The following DOCK1 variants were observed in gnomAD, a reference collection of about 807,000 sequenced individuals.
The protein encoded by DOCK1 is dedicator of cytokinesis protein 1.
In DOCK1, 138 loss-of-function variants were observed where a neutral mutation model predicts 262.7. The observed-to-expected ratio is 0.53, with a 90% CI of 0.46 to 0.61. The LOEUF is 0.61. DOCK1 is among the 20% of genes least tolerant of loss of function. The probability of loss-of-function intolerance (pLI) is 0.00; values close to 1 mark genes in which losing one functional copy is unlikely to be tolerated. For missense variants in DOCK1, 1,908 were observed against 2,370.7 expected (o/e 0.80, Z 4.05); for synonymous variants, 866 against 867.4 (o/e 1.00, Z 0.03).
chr10:127,262,096 GCTC>G (rs2060181542), intron 29 of DOCK1, among the ~76,000 whole-genome samples: 1 of 139,420 alleles, frequency 7.2e-6, no homozygotes, highest in East Asian at 2.3e-4. Context: ...GTGTACCCGT[GCTC>G]CTCTGTGTGC....
intron 19 of DOCK1, among the ~76,000 whole-genome samples, chr10:127,039,028 CAGAA>C (rs1390421083): frequency 2.6e-5 from 4 of 152,164 alleles, no homozygotes; most frequent in Non-Finnish European, 5.9e-5. Context: ...GAGGTGATTG[CAGAA>C]AGAGACGACC....
chr10:127,016,390 G>A (rs1050222187), intron 12 of DOCK1: 4 of 152,422 alleles, frequency 2.6e-5, no homozygotes, highest in East Asian at 1.9e-4. Context: ...CCAGGATAGC[G>A]GATATAGGAA....
intron 38 of DOCK1, among the ~76,000 whole-genome samples, chr10:127,392,903 C>A (rs1175249960): frequency 6.6e-6 from 1 of 152,208 alleles, no homozygotes; most frequent in Non-Finnish European, 1.5e-5. Context: ...GAGACAAATT[C>A]TTGCAAGAGC....
chr10:127,176,017 G>A lies in DOCK1; in HGVS notation c.2847+48253G>A, dbSNP rs759392442. On this transcript the variant is annotated intron_variant, in intron 27 of 51. Coordinates refer to ENST00000623213, the MANE Select transcript of DOCK1 (RefSeq NM_001290223.2). This position sits in a 1 kb window ranked among gnomAD's most constrained non-coding sequence, Gnocchi z 4.4. ...GGATCTGCAGCTGGGAGGCTTTTGA[G>A]GTTCCCCTTTTTGCGGTCCAGAGGG... The A allele has an allele frequency of 1.2e-6, 2 of 1,614,142 alleles. No individual in the cohort carries two copies. Among genetic ancestry groups the A allele is most frequent in the East Asian group, 2.2e-5 (1 of 44,856 alleles).
chr10:127,163,799 C>CA (rs1210847976), intron 27 of DOCK1, among the ~76,000 whole-genome samples: 1 of 129,228 alleles, frequency 7.7e-6, no homozygotes, highest in African/African-American at 2.9e-5. Flanking sequence ...TAAAGCCTTC[C>CA]TTTTTTTTTT....
chr10:126,946,721 C>T (rs1564996684), intron 1 of DOCK1, among the ~76,000 whole-genome samples: 1 of 152,188 alleles, frequency 6.6e-6, no homozygotes, highest in Non-Finnish European at 1.5e-5. Flanking sequence ...CTTCCGGGTT[C>T]ATCCATGTCA....
chr10:127,112,319 T>G (rs1203621923), intron 25 of DOCK1, among the ~76,000 whole-genome samples: 1 of 152,204 alleles, frequency 6.6e-6, no homozygotes, highest in African/African-American at 2.4e-5. Flanking sequence ...ACCCCAGATA[T>G]TTTTTCCTCT....
chr10:127,201,494 G>A (rs144526984), intron 27 of DOCK1, among the ~76,000 whole-genome samples: 32 of 152,338 alleles, frequency 2.1e-4, no homozygotes, highest in African/African-American at 6.5e-4. Context: ...TGAGCATCGT[G>A]AGGACTCGTT....
chr10:127,379,075 C>T (rs1445315727), intron 35 of DOCK1, among the ~76,000 whole-genome samples: 8 of 152,136 alleles, frequency 5.3e-5, no homozygotes, highest in South Asian at 2.1e-4. Flanking sequence ...CTTCAGGCTC[C>T]GATTCTAGAG....
At chr10:126,906,378 C>A (rs2030829090) in intron 1 of DOCK1, among the ~76,000 whole-genome samples, 1 of 152,216 alleles carries the variant, frequency 6.6e-6, no homozygotes, top group Non-Finnish European at 1.5e-5. Flanking sequence ...GCCCCGGGGA[C>A]CCGCAGCCGG....
intron 38 of DOCK1, among the ~76,000 whole-genome samples, chr10:127,390,554 C>A (rs1394200796): frequency 6.6e-6 from 1 of 152,082 alleles, no homozygotes; most frequent in Non-Finnish European, 1.5e-5. Context: ...AGGATACAGA[C>A]ACACACAGGG....
chr10:127,444,436 G>T (rs1207195996), intron 50 of DOCK1, among the ~76,000 whole-genome samples, 157 bp downstream of exon 50: 6 of 152,150 alleles, frequency 3.9e-5, no homozygotes, highest in African/African-American at 1.4e-4. Context: ...CCTGGGACAG[G>T]CTGTAGAGTC....
intron 5 of DOCK1, chr10:126,988,151 C>T (rs1018485979): frequency 6.6e-6 from 1 of 152,316 alleles, no homozygotes; most frequent in Non-Finnish European, 1.5e-5. Context: ...GTCCAGTTCT[C>T]CTGATCACAG....
intron 1 of DOCK1, among the ~76,000 whole-genome samples, chr10:126,915,433 G>C (rs7084926): frequency 2.1e-4 from 31 of 148,908 alleles, no homozygotes; most frequent in Admixed American, 3.4e-4. Flanking sequence ...TTGGGGGCGG[G>C]GGGGGGATGG....
At chr10:127,318,731 C>T (rs1477475919) in intron 29 of DOCK1, among the ~76,000 whole-genome samples, 2 of 152,222 alleles carry the variant, frequency 1.3e-5, no homozygotes, top group African/African-American at 2.4e-5. Context: ...GCTGAATAAG[C>T]CTGACCAAGC....
chr10:127,340,811 T>G (rs1196890410), intron 30 of DOCK1, among the ~76,000 whole-genome samples: 1 of 152,218 alleles, frequency 6.6e-6, no homozygotes, highest in East Asian at 1.9e-4. Flanking sequence ...GAATACTTAG[T>G]GGCCATGTGG....
At chr10:126,942,265 C>G (rs2035073530) in intron 1 of DOCK1, among the ~76,000 whole-genome samples, 1 of 152,196 alleles carries the variant, frequency 6.6e-6, no homozygotes, top group African/African-American at 2.4e-5. Flanking sequence ...CCTCGTGATT[C>G]ACCTGCCTCG....
chr10:127,447,905 T>C (rs2070692465), intron 51 of DOCK1, among the ~76,000 whole-genome samples: 1 of 152,220 alleles, frequency 6.6e-6, no homozygotes, highest in Admixed American at 6.5e-5. Context: ...AAGTAGCTTT[T>C]CTATCAAGAG....
At chr10:127,174,947 T>C (rs571960279) in intron 27 of DOCK1, among the ~76,000 whole-genome samples, 168 of 152,342 alleles carry the variant, frequency 1.1e-3, no homozygotes, top group Non-Finnish European at 2.0e-3. Context: ...AGGAAAGGTC[T>C]ATCAATTCAT....
Sources: allele counts gnomAD v4.1 joint callset (sites outside exome capture counted in the v4.1 genomes callset), GRCh38; gene constraint gnomAD v4.1.1; non-coding constraint Gnocchi (gnomAD v3.1); transcripts MANE v1.5; gene names NCBI Gene and HGNC (gene_info 2026-07-23, HGNC 2026-07-21).